PTPRN2: variants seen among roughly 807,000 people sequenced by gnomAD.
PTPRN2 encodes the protein protein tyrosine phosphatase receptor type N2, also known as receptor-type tyrosine-protein phosphatase N2.
PTPRN2 carries 74 observed loss-of-function variants against 118.8 expected under a neutral mutation model. That is an observed-to-expected ratio of 0.62 (90% CI 0.52 to 0.76). The LOEUF (loss-of-function observed/expected upper bound fraction) is 0.76, where lower values mean the gene tolerates loss of function less well. PTPRN2 is among the 30% of genes least tolerant of loss of function. The pLI is 0.00. For missense variants in PTPRN2, 1,481 were observed against 1,394.4 expected (o/e 1.06, Z -0.99); for synonymous variants, 641 against 608.0 (o/e 1.05, Z -0.80).
intron 12 of PTPRN2, among the ~76,000 whole-genome samples, chr7:157,772,392 CACAA>C (rs1160478097): frequency 5.9e-5 from 9 of 152,098 alleles, no homozygotes; most frequent in Admixed American, 2.6e-4. Context: ...GATACACAGA[CACAA>C]ACAGAGACAC....
At chr7:158,359,045 T>G (rs1457055587) in intron 2 of PTPRN2, among the ~76,000 whole-genome samples, 1 of 152,130 alleles carries the variant, frequency 6.6e-6, no homozygotes, top group African/African-American at 2.4e-5. Context: ...GACTATGAGG[T>G]TGATGATGAG....
At position 158,090,000 on chromosome 7, in the gene PTPRN2, G is replaced by A. The variant is rs55834573; in HGVS notation, c.1644-8623C>T. Among the ~76,000 whole-genome samples, 4 of 40,334 alleles carry A rather than the reference G, an allele frequency of 9.9e-5. 1 individual carries two copies. The highest frequency in any genetic ancestry group is 1.9e-4 in the African/African-American group (4 of 21,620). The allele number at this position is 40,334 out of a possible 152,430, so 26.5% of individuals were successfully genotyped here. A position where few individuals can be genotyped will look rare whatever the true frequency, so the allele number is the denominator to read the frequency against. ...TCACACAAACCCTTCCTCCCCTGAC[G>A]AAAGAGGGAGTCTTCACACAAACCC... On this transcript the variant is annotated intron_variant, in intron 10 of 22. Transcript: ENST00000389418.
chr7:157,885,515 A>G (rs928936389), intron 12 of PTPRN2, among the ~76,000 whole-genome samples: 7 of 152,156 alleles, frequency 4.6e-5, no homozygotes, highest in Admixed American at 3.3e-4. Context: ...GAAACAAGCC[A>G]AGTTCCTCCT....
intron 7 of PTPRN2, 77 bp from the exon 8 acceptor site, chr7:158,136,772 C>T: frequency 2.3e-6 from 3 of 1,329,018 alleles, no homozygotes; most frequent in Non-Finnish European, 3.2e-6. Context: ...AAAAGGGTGA[C>T]CCTGCAGACC....
chr7:157,740,794 C>G (rs749530538), intron 12 of PTPRN2, among the ~76,000 whole-genome samples: 2 of 152,188 alleles, frequency 1.3e-5, no homozygotes, highest in Non-Finnish European at 2.9e-5. Context: ...GCCCCTGGCC[C>G]ACGGGATCCC....
intron 2 of PTPRN2, among the ~76,000 whole-genome samples, chr7:158,419,485 C>T (rs1815075029): frequency 7.4e-6 from 1 of 135,384 alleles, no homozygotes; most frequent in Admixed American, 7.2e-5. Flanking sequence ...GGCCTCGGGA[C>T]TCTCGGAGGT....
intron 3 of PTPRN2, among the ~76,000 whole-genome samples, chr7:158,252,626 A>C (rs1796759625): frequency 6.6e-6 from 1 of 152,070 alleles, no homozygotes; most frequent in Non-Finnish European, 1.5e-5. Flanking sequence ...ATCTCCAGGC[A>C]CCTGGCTTTC....
At chr7:158,033,755 G>A (rs138826271) in intron 11 of PTPRN2, among the ~76,000 whole-genome samples, 3,591 of 150,694 alleles carry the variant, frequency 0.024, 63 homozygotes, top group Non-Finnish European at 0.039. Flanking sequence ...TCTGCACTCT[G>A]AGACCCGGGT....
rs985876789 is a variant in PTPRN2 at position 158,517,005 on chromosome 7, G to A, written c.113-27220C>T. Among the ~76,000 whole-genome samples the A allele has an allele frequency of 2.0e-5, 3 of 152,266 alleles. No homozygotes were observed. Among genetic ancestry groups the A allele is most frequent in the East Asian group, 1.9e-4 (1 of 5,178 alleles). On this transcript the variant is annotated intron_variant, in intron 1 of 22. Transcript: ENST00000389418. This position sits in a 1 kb window ranked among gnomAD's most constrained non-coding sequence, Gnocchi z 5.3. ...AAACCGTAGCCCAGCAGAACCACTC[G>A]TGAGTCCTGTGATTCCTTCCAAACC...
chr7:157,732,287 C>T (rs1367098395), intron 12 of PTPRN2, among the ~76,000 whole-genome samples: 5 of 12,842 alleles, frequency 3.9e-4, no homozygotes, highest in Non-Finnish European at 4.3e-4. Context: ...GTTACCCTTT[C>T]CCGTCCCACG....
At chr7:157,834,048 T>C (rs1584818418) in intron 12 of PTPRN2, among the ~76,000 whole-genome samples, 1 of 152,310 alleles carries the variant, frequency 6.6e-6, no homozygotes, top group South Asian at 2.1e-4. Context: ...GTACTTTCTA[T>C]CCGCCAATCA....
chr7:158,501,452 C>T (rs889261636), intron 1 of PTPRN2, among the ~76,000 whole-genome samples: 1 of 152,222 alleles, frequency 6.6e-6, no homozygotes, highest in African/African-American at 2.4e-5. Context: ...GGGAGAACAG[C>T]CTGCCTTCTG....
chr7:157,543,105 G>A (rs926639968), intron 22 of PTPRN2, among the ~76,000 whole-genome samples: 10 of 152,262 alleles, frequency 6.6e-5, no homozygotes, highest in African/African-American at 2.2e-4. Flanking sequence ...TTTTATGATA[G>A]GAGTTTATTT....
At chr7:157,885,356 G>A (rs889824223) in intron 12 of PTPRN2, among the ~76,000 whole-genome samples, 8 of 152,172 alleles carry the variant, frequency 5.3e-5, no homozygotes, top group Non-Finnish European at 1.2e-4. Flanking sequence ...GGGGGCATTG[G>A]ACACAATGCA....
chr7:158,309,951 G>A (rs1342359557), intron 3 of PTPRN2, among the ~76,000 whole-genome samples: 1 of 152,132 alleles, frequency 6.6e-6, no homozygotes, highest in Non-Finnish European at 1.5e-5. Context: ...AGAGATCCCA[G>A]AGCGCTCCCT....
chr7:157,548,578 C>T (rs576222452), intron 22 of PTPRN2, among the ~76,000 whole-genome samples: 1 of 152,362 alleles, frequency 6.6e-6, no homozygotes, highest in Admixed American at 6.5e-5. Context: ...CCCGGAGAGG[C>T]CGGGCAGCGC....
intron 11 of PTPRN2, among the ~76,000 whole-genome samples, chr7:157,981,276 GGAGAAGGCTTCCATA>G (rs1803120438): frequency 6.6e-6 from 1 of 152,198 alleles, no homozygotes; most frequent in Admixed American, 6.5e-5. Flanking sequence ...GACGAGACAT[GGAGAAGGCTTCCATA>G]GTCGGTGATG....
chr7:157,932,076 A>C (rs1297401915), intron 11 of PTPRN2, among the ~76,000 whole-genome samples: 1 of 152,178 alleles, frequency 6.6e-6, no homozygotes. Flanking sequence ...ATCTCTCTCT[A>C]TATTTATATT....
intron 2 of PTPRN2, among the ~76,000 whole-genome samples, chr7:158,372,672 C>T (rs951538304): frequency 2.4e-4 from 37 of 152,258 alleles, no homozygotes; most frequent in African/African-American, 6.5e-4. Context: ...ATCTCCACCA[C>T]GCTGATCCCC....
Sources: gnomAD v4.1 joint callset for allele counts (sites outside exome capture counted in the v4.1 genomes callset) on GRCh38, gnomAD v4.1.1 for gene constraint, Gnocchi (gnomAD v3.1) non-coding constraint, MANE v1.5 for transcripts, NCBI Gene and HGNC (gene_info 2026-07-23, HGNC 2026-07-21) for gene names.